CRYBB1: variants seen among roughly 807,000 people sequenced by gnomAD.
CRYBB1 encodes crystallin beta B1.
Under a neutral mutation model 29.5 loss-of-function variants are expected in CRYBB1, and 16 were observed. The ratio of observed to expected loss-of-function variants is 0.54; its 90% CI spans 0.37 to 0.82. The LOEUF is 0.82. Ranked by LOEUF, CRYBB1 falls within the 40% of genes least tolerant of loss-of-function variation. CRYBB1 has a pLI of 0.00. For missense variants in CRYBB1, 300 were observed against 350.5 expected, an observed-to-expected ratio of 0.86 and a Z score of 1.15; for synonymous variants, 127 against 136.7, an observed-to-expected ratio of 0.93 and a Z score of 0.49.
intron 1 of CRYBB1, 42 bp from the exon 2 acceptor site, chr22:26,616,380 T>C: frequency 1.5e-6 from 2 of 1,369,210 alleles, no homozygotes; most frequent in Non-Finnish European, 2.1e-6. Context: ...ACCCCCAAAC[T>C]GCCTCCTGCC....
At chr22:26,609,785 T>C (rs1010429545) in intron 3 of CRYBB1, among the ~76,000 whole-genome samples, 1 of 152,202 alleles carries the variant, frequency 6.6e-6, no homozygotes, top group African/African-American at 2.4e-5. Context: ...CAGACAGACC[T>C]GAATTCTAAT....
At chr22:26,607,832 TAC>T in intron 4 of CRYBB1, 55 bp downstream of exon 4, 3 of 1,612,770 alleles carry the variant, frequency 1.9e-6, no homozygotes, top group Non-Finnish European at 2.5e-6. Context: ...ATCTCAGACT[TAC>T]ACCTGCCCTG....
At chr22:26,600,042 A>G (rs1293554683) in intron 5 of CRYBB1, among the ~76,000 whole-genome samples, 1 of 152,236 alleles carries the variant, frequency 6.6e-6, no homozygotes, top group Non-Finnish European at 1.5e-5. Flanking sequence ...CCAAGGAAGC[A>G]AGAATAGGAC....
At chr22:26,600,439 A>C (rs115464863) in intron 5 of CRYBB1, among the ~76,000 whole-genome samples, 1,932 of 152,244 alleles carry the variant, frequency 0.013, 40 homozygotes, top group African/African-American at 0.045. Flanking sequence ...AGGTAAGTGC[A>C]TCAGTGCGTA....
chr22:26,617,023 G>A (rs1485602418), intron 1 of CRYBB1, among the ~76,000 whole-genome samples: 1 of 152,232 alleles, frequency 6.6e-6, no homozygotes, highest in Non-Finnish European at 1.5e-5. Flanking sequence ...TTCAGAGAAT[G>A]AATGAATGCA....
chr22:26,613,091 C>G (rs1002451985), intron 2 of CRYBB1, among the ~76,000 whole-genome samples: 2 of 152,182 alleles, frequency 1.3e-5, no homozygotes, highest in Non-Finnish European at 2.9e-5. Flanking sequence ...AGCCCCAGCC[C>G]CAGTACCTGC....
At chr22:26,601,852 C>T (rs750062170) in intron 5 of CRYBB1, 27 bp downstream of exon 5, 20 of 1,611,342 alleles carry the variant, frequency 1.2e-5, no homozygotes, top group South Asian at 4.4e-5. Flanking sequence ...AAGCAGGGGA[C>T]GCGGACCTGG....
intron 4 of CRYBB1, among the ~76,000 whole-genome samples, chr22:26,603,864 C>T (rs1372260176): frequency 1.3e-5 from 2 of 152,092 alleles, no homozygotes; most frequent in African/African-American, 4.8e-5. Context: ...GCAGAGGTTG[C>T]AGTGAGCCAA....
chr22:26,610,956 C>T (rs1030617976), intron 3 of CRYBB1, among the ~76,000 whole-genome samples: 5 of 152,146 alleles, frequency 3.3e-5, no homozygotes, highest in African/African-American at 9.7e-5. Flanking sequence ...GTGGGGGAGA[C>T]AAGAGCAAAC....
At chr22:26,614,903 G>A (rs542739413) in intron 2 of CRYBB1, among the ~76,000 whole-genome samples, 1 of 152,178 alleles carries the variant, frequency 6.6e-6, no homozygotes, top group Non-Finnish European at 1.5e-5. Flanking sequence ...GCATAAAATT[G>A]TATACAAAAG....
In CRYBB1 at chr22:26,607,950, C is replaced by A; in HGVS notation, c.371G>T (p.Trp124Leu). Residue 124 changes from tryptophan (W) to leucine (L), a missense_variant, in exon 4 of 6, where the codon TGG becomes TTG. Trp to Leu is a moderately conservative substitution (Grantham distance 61). Coordinates refer to ENST00000647684, the MANE Select transcript of CRYBB1 (RefSeq NM_001887.4). ...FILEKGEYPR[W>L]NTWSSSYRSD... is the part of the protein sequence containing the mutation. ...GCGGTAGCTGCTCGACCATGTGTTC[C>A]AGCGAGGGTACTCGCCCTTCTCCAG... 6.2e-7 allele frequency: 1 copy of A among 1,614,216 alleles called. No individual in the cohort carries two copies. The highest frequency in any genetic ancestry group is 8.5e-7 in the Non-Finnish European group (1 of 1,180,032).
chr22:26,607,998 T>C lies in CRYBB1; in HGVS notation c.323A>G (p.Asn108Ser), dbSNP rs753245538. The change falls in exon 4 of 6, where the codon AAC (asparagine) becomes AGC (serine). Residue 108 changes from asparagine (N) to serine (S), a missense_variant. Transcript: ENST00000647684. ...CAGGATGAACATCTCCCCGCGGAAGTTGGACTGCTCAAAGGCGACCCAGCT... is the reference window on the plus strand; with the variant it reads ...CAGGATGAACATCTCCCCGCGGAAGCTGGACTGCTCAAAGGCGACCCAGCT... ...AGPWVAFEQSNFRGEMFILEK... is the reference protein window; with the variant it reads ...AGPWVAFEQSSFRGEMFILEK... 2.5e-6 allele frequency: 4 copies of C among 1,613,972 alleles called. No homozygotes were observed. Among genetic ancestry groups the C allele is most frequent in the Non-Finnish European group, 3.4e-6 (4 of 1,180,026 alleles).
chr22:26,609,116 AAG>A (rs1929076522), intron 3 of CRYBB1, among the ~76,000 whole-genome samples: 1 of 152,126 alleles, frequency 6.6e-6, no homozygotes, highest in Non-Finnish European at 1.5e-5. Context: ...CTTAGGAAAA[AAG>A]AGACGGATGA....
intron 3 of CRYBB1, among the ~76,000 whole-genome samples, chr22:26,610,172 G>A (rs12628704): frequency 0.14 from 21,674 of 152,110 alleles, 2,035 homozygotes; most frequent in South Asian, 0.31. Flanking sequence ...CGCAAGCAGG[G>A]AGAGAGGGTA....
intron 3 of CRYBB1, among the ~76,000 whole-genome samples, chr22:26,608,938 C>A (rs5752355): frequency 0.18 from 27,025 of 152,106 alleles, 3,155 homozygotes; most frequent in East Asian, 0.38. Context: ...GGAAGATTTT[C>A]CTGGCTTTCC....
intron 4 of CRYBB1, 70 bp downstream of exon 4, chr22:26,607,819 C>A: frequency 6.2e-7 from 1 of 1,608,452 alleles, no homozygotes. Context: ...TTGCCCTTGT[C>A]AGATCTCAGA....
chr22:26,607,752 A>G (rs968601877), intron 4 of CRYBB1, 137 bp downstream of exon 4: 10 of 1,159,198 alleles, frequency 8.6e-6, no homozygotes, highest in African/African-American at 1.5e-5. Context: ...TCAAGAATCC[A>G]CGGTCCTTTG....
intron 5 of CRYBB1, among the ~76,000 whole-genome samples, chr22:26,600,051 A>T (rs1928773273): frequency 6.6e-6 from 1 of 152,204 alleles, no homozygotes; most frequent in African/African-American, 2.4e-5. Flanking sequence ...CAAGAATAGG[A>T]CTTAGGGACT....
chr22:26,602,142 C>G, intron 4 of CRYBB1, 121 bp from the exon 5 acceptor site: 1 of 1,243,116 alleles, frequency 8.0e-7, no homozygotes, highest in Non-Finnish European at 1.1e-6. Context: ...CTGGGGGACT[C>G]TCCAGGGACC....
Sources: gnomAD v4.1 joint callset for allele counts (sites outside exome capture counted in the v4.1 genomes callset) on GRCh38, gnomAD v4.1.1 for gene constraint, MANE v1.5 for transcripts, NCBI Gene and HGNC (gene_info 2026-07-23, HGNC 2026-07-21) for gene names.